Variants in ACOXL observed in about 807,000 individuals in gnomAD.
ACOXL encodes acyl-coenzyme A oxidase-like protein.
In ACOXL, 70 loss-of-function variants were observed where a neutral mutation model predicts 71.9. That is an observed-to-expected ratio of 0.97 (90% CI 0.80 to 1.19). The LOEUF (loss-of-function observed/expected upper bound fraction) is 1.19. ACOXL is among the 50% of genes most tolerant of loss of function. The pLI is 0.00. For synonymous variants in ACOXL, 253 were observed against 281.6 expected, an observed-to-expected ratio of 0.90 and a Z score of 1.02; for missense variants, 703 against 736.3, an observed-to-expected ratio of 0.95 and a Z score of 0.52.
At chr2:111,065,258 GC>G (rs2067010435) in intron 16 of ACOXL, among the ~76,000 whole-genome samples, 1 of 152,156 alleles carries the variant, frequency 6.6e-6, no homozygotes. Context: ...AAGTAAGATA[GC>G]CTTTTCAACA....
chr2:111,057,219 T>C (rs1208676742), intron 16 of ACOXL, among the ~76,000 whole-genome samples: 1 of 152,212 alleles, frequency 6.6e-6, no homozygotes, highest in Non-Finnish European at 1.5e-5. Flanking sequence ...GTGGTGTCGA[T>C]GTGACACGTT....
At chr2:110,915,426 ATAT>A (rs1266246824) in intron 11 of ACOXL, among the ~76,000 whole-genome samples, 2,352 of 80,152 alleles carry the variant, frequency 0.029, 108 homozygotes, top group African/African-American at 0.081. Flanking sequence ...ATATATATAT[ATAT>A]TTTTTTTTTT....
At chr2:110,987,062 A>AT (rs2062963992) in intron 12 of ACOXL, 46 bp from the exon 13 acceptor site, 7 of 1,502,350 alleles carry the variant, frequency 4.7e-6, no homozygotes, top group Non-Finnish European at 6.3e-6. Flanking sequence ...AGATACTGTC[A>AT]TTTTTTACAC....
chr2:110,759,195 T>C (rs1680068067), intron 1 of ACOXL, among the ~76,000 whole-genome samples: 1 of 152,204 alleles, frequency 6.6e-6, no homozygotes, highest in Admixed American at 6.5e-5. Flanking sequence ...TCAGGTCTAC[T>C]TGATCCTGAG....
chr2:111,104,968 T>G, intron 17 of ACOXL, among the ~76,000 whole-genome samples: 1 of 152,170 alleles, frequency 6.6e-6, no homozygotes, highest in East Asian at 1.9e-4. Flanking sequence ...ACATTTTTCA[T>G]TGAGCCATGA....
rs1396477435 is a variant in ACOXL, at chr2:111,095,409, TGAGTTG to T, written c.1542+2448_1542+2453del. Among the ~76,000 whole-genome samples, 4 of 147,334 alleles carry T rather than the reference TGAGTTG, an allele frequency of 2.7e-5. No individual in the cohort carries two copies. In the South Asian group the frequency reaches 8.6e-4, roughly 32 times the overall value. On this transcript the variant is annotated intron_variant, in intron 17 of 17. Coordinates refer to ENST00000439055, the MANE Select transcript of ACOXL (RefSeq NM_001142807.4). ...TCTTTTTCTTTTTTTTTTTTTTTTT[TGAGTTG>T]GAGTCTTGCTCTGTCACCCAGGCTG... is the stretch of plus-strand genomic sequence containing the variant.
At position 110,943,081 on chromosome 2, in the gene ACOXL, AAG is replaced by A. The variant is rs1262393145; in HGVS notation, c.1059+9444_1059+9445del. Among the ~76,000 whole-genome samples, 7 of 120,108 alleles carry A rather than the reference AAG, an allele frequency of 5.8e-5. No individual in the cohort carries two copies. The East Asian group carries it at 1.7e-3, about 29-fold the overall frequency. The allele number at this position is 120,108 out of a possible 152,430, so 78.8% of individuals were successfully genotyped here. A position where few individuals can be genotyped will look rare whatever the true frequency, so the allele number is the denominator to read the frequency against. On this transcript the variant is annotated intron_variant, in intron 12 of 17. Transcript: ENST00000439055. ...AAAAGGAAGAAGGAAGGAAGAAAAGAAGAGAGGGAGGGAGGAAGGAAGGTAGG... is the reference window on the plus strand; with the variant it reads ...AAAAGGAAGAAGGAAGGAAGAAAAGAAGAGGGAGGGAGGAAGGAAGGTAGG...
chr2:110,870,089 G>A (rs1163005168), intron 10 of ACOXL, among the ~76,000 whole-genome samples: 1 of 152,202 alleles, frequency 6.6e-6, no homozygotes, highest in Admixed American at 6.5e-5. Context: ...TCTTATGGCT[G>A]GGGGAAAATT....
In ACOXL at chr2:111,056,200, T is replaced by TAAA. The variant is rs5833383; in HGVS notation, c.1440+6924_1440+6926dup. On this transcript the variant is annotated intron_variant, in intron 16 of 17. Coordinates refer to ENST00000439055, the MANE Select transcript of ACOXL (RefSeq NM_001142807.4). ...GTGTGACACAGCAAGACCCCAACTT[T>TAAA]AAAAAAAAAAAAAAGTTGGGAGAAG... Among the ~76,000 whole-genome samples, 329 of 145,724 alleles carry TAAA rather than the reference T, an allele frequency of 2.3e-3. 1 individual carries two copies. The highest frequency in any genetic ancestry group is 7.8e-3 in the African/African-American group (306 of 39,466).
At chr2:110,896,661 T>A (rs1478785885) in intron 10 of ACOXL, among the ~76,000 whole-genome samples, 1 of 152,088 alleles carries the variant, frequency 6.6e-6, no homozygotes, top group Non-Finnish European at 1.5e-5. Flanking sequence ...ATTAAAAGGG[T>A]CAATCCATCA....
chr2:110,844,802 C>T (rs984424855), intron 10 of ACOXL, among the ~76,000 whole-genome samples: 13 of 152,086 alleles, frequency 8.5e-5, no homozygotes, highest in African/African-American at 2.9e-4. Context: ...CCACTTTTGC[C>T]TCCCAAAGTG....
chr2:110,894,110 A>G (rs1008144009), intron 10 of ACOXL, among the ~76,000 whole-genome samples: 2 of 152,170 alleles, frequency 1.3e-5, no homozygotes, highest in East Asian at 3.9e-4. Flanking sequence ...GAAACCTGCA[A>G]TAGAACTTAC....
At chr2:110,966,530 A>G (rs554171800) in intron 12 of ACOXL, among the ~76,000 whole-genome samples, 1 of 152,368 alleles carries the variant, frequency 6.6e-6, no homozygotes, top group Non-Finnish European at 1.5e-5. Flanking sequence ...AGCGTGCAGC[A>G]GAGCCAGTGG....
intron 11 of ACOXL, among the ~76,000 whole-genome samples, chr2:110,910,736 T>C (rs2059623032): frequency 6.6e-6 from 1 of 152,206 alleles, no homozygotes; most frequent in African/African-American, 2.4e-5. Context: ...ACATTGGCCA[T>C]TGTATATCTT....
intron 5 of ACOXL, among the ~76,000 whole-genome samples, 172 bp from the exon 6 acceptor site, chr2:110,798,438 A>G (rs1685537179): frequency 6.6e-6 from 1 of 151,936 alleles, no homozygotes. Context: ...TTGTATTTTT[A>G]GTAGAGACGG....
intron 8 of ACOXL, among the ~76,000 whole-genome samples, chr2:110,803,582 AG>A: frequency 6.6e-6 from 1 of 152,356 alleles, no homozygotes; most frequent in Non-Finnish European, 1.5e-5. Context: ...AAGAAAACAC[AG>A]GTGTGAATTT....
chr2:110,746,679 G>A (rs1248320995), intron 1 of ACOXL, among the ~76,000 whole-genome samples: 1 of 152,110 alleles, frequency 6.6e-6, no homozygotes, highest in Non-Finnish European at 1.5e-5. Flanking sequence ...AGGAAATAAT[G>A]TATACAGTGG....
At chr2:111,080,773 TA>T (rs1465330634) in intron 16 of ACOXL, among the ~76,000 whole-genome samples, 1 of 152,084 alleles carries the variant, frequency 6.6e-6, no homozygotes, top group Admixed American at 6.6e-5. Context: ...ACATCCTCAA[TA>T]AAAAACTGGC....
intron 16 of ACOXL, among the ~76,000 whole-genome samples, chr2:111,056,051 GA>G (rs2066519762): frequency 1.3e-5 from 2 of 152,146 alleles, no homozygotes; most frequent in African/African-American, 2.4e-5. Context: ...CTCACTTGAA[GA>G]GTATATTCTA....
Sources: gnomAD v4.1 joint callset for allele counts (sites outside exome capture counted in the v4.1 genomes callset) on GRCh38, gnomAD v4.1.1 for gene constraint, MANE v1.5 for transcripts, NCBI Gene and HGNC (gene_info 2026-07-23, HGNC 2026-07-21) for gene names.